FAF1: variants seen among roughly 807,000 people sequenced by gnomAD.
FAF1 encodes Fas associated factor 1, also known as FAS-associated factor 1.
A neutral mutation model predicts 92.5 loss-of-function variants in FAF1; 25 were observed. That is an observed-to-expected ratio of 0.27 (90% CI 0.20 to 0.38). The LOEUF is 0.38. FAF1 is among the 10% of genes least tolerant of loss of function. FAF1 has a pLI of 1.00. For missense variants in FAF1, 636 were observed against 793.3 expected (o/e 0.80, Z 2.38); for synonymous variants, 234 against 273.2 (o/e 0.86, Z 1.42).
chr1:50,763,964 T>G (rs1297757759), intron 4 of FAF1, among the ~76,000 whole-genome samples: 4 of 152,212 alleles, frequency 2.6e-5, no homozygotes, highest in Non-Finnish European at 5.9e-5. Context: ...TATAGCTGTT[T>G]GGTGGCATTT....
At chr1:50,875,870 T>C (rs1644567045) in intron 1 of FAF1, among the ~76,000 whole-genome samples, 1 of 152,214 alleles carries the variant, frequency 6.6e-6, no homozygotes, top group Non-Finnish European at 1.5e-5. Context: ...CCCCAGACTC[T>C]AGTTTTGATA....
chr1:50,770,352 A>G (rs1660736053), intron 4 of FAF1, among the ~76,000 whole-genome samples: 1 of 152,186 alleles, frequency 6.6e-6, no homozygotes, highest in Non-Finnish European at 1.5e-5. Flanking sequence ...TATACCTAGG[A>G]AACTCCACAA....
At chr1:50,839,099 T>A (rs527324936) in intron 2 of FAF1, among the ~76,000 whole-genome samples, 2 of 152,112 alleles carry the variant, frequency 1.3e-5, no homozygotes, top group African/African-American at 4.8e-5. Context: ...GTTTTCTTCA[T>A]AAAAATAAAT....
At chr1:50,680,486 C>G (rs1656372423) in intron 7 of FAF1, among the ~76,000 whole-genome samples, 1 of 152,000 alleles carries the variant, frequency 6.6e-6, no homozygotes, top group African/African-American at 2.4e-5. Flanking sequence ...AGTTTGAGAC[C>G]AGCCTGGCCA....
chr1:50,674,246 G>A (rs1048507387), intron 7 of FAF1, among the ~76,000 whole-genome samples: 7 of 151,510 alleles, frequency 4.6e-5, no homozygotes, highest in Admixed American at 1.3e-4. Context: ...CCATTGCTCC[G>A]GGCCCCAAGG....
intron 18 of FAF1, among the ~76,000 whole-genome samples, chr1:50,463,129 T>C (rs1572759155): frequency 6.6e-6 from 1 of 152,304 alleles, no homozygotes; most frequent in East Asian, 1.9e-4. Flanking sequence ...CATTTTGGTA[T>C]ATGTCTGGCA....
At chr1:50,485,909 AT>A (rs1287997299) in intron 17 of FAF1, among the ~76,000 whole-genome samples, 1 of 151,964 alleles carries the variant, frequency 6.6e-6, no homozygotes, top group Non-Finnish European at 1.5e-5. Flanking sequence ...AATCCATCAG[AT>A]CTTGTGAGAA....
intron 18 of FAF1, among the ~76,000 whole-genome samples, chr1:50,473,986 A>C (rs1311223786): frequency 6.6e-6 from 1 of 152,246 alleles, no homozygotes; most frequent in Non-Finnish European, 1.5e-5. Context: ...CATTCCATAT[A>C]AAGCAGGAAT....
At chr1:50,546,035 A>G (rs985249719) in intron 13 of FAF1, among the ~76,000 whole-genome samples, 2 of 152,194 alleles carry the variant, frequency 1.3e-5, no homozygotes, top group Non-Finnish European at 2.9e-5. Context: ...GCAAGGTGGC[A>G]TATGCCTATA....
chr1:50,888,541 A>G (rs923734163), intron 1 of FAF1, among the ~76,000 whole-genome samples: 1 of 152,208 alleles, frequency 6.6e-6, no homozygotes, highest in African/African-American at 2.4e-5. Flanking sequence ...TTATATTGAG[A>G]TACATCCCAT....
intron 7 of FAF1, among the ~76,000 whole-genome samples, chr1:50,664,030 G>A (rs1044488999): frequency 2.2e-5 from 3 of 134,782 alleles, no homozygotes; most frequent in South Asian, 2.3e-4. Flanking sequence ...ACAGAGTCTC[G>A]CTCTGTCACC....
chr1:50,519,133 C>G (rs1406019896), intron 15 of FAF1, among the ~76,000 whole-genome samples: 1 of 152,042 alleles, frequency 6.6e-6, no homozygotes, highest in South Asian at 2.1e-4. Flanking sequence ...TGTTTGAGAC[C>G]AGCCTGGCCA....
At chr1:50,860,993 A>G (rs1644427741) in intron 1 of FAF1, among the ~76,000 whole-genome samples, 1 of 151,942 alleles carries the variant, frequency 6.6e-6, no homozygotes, top group Non-Finnish European at 1.5e-5. Context: ...AAAAAACAAT[A>G]CACCACATTT....
chr1:50,894,557 G>A (rs992092265), intron 1 of FAF1, among the ~76,000 whole-genome samples: 1 of 151,760 alleles, frequency 6.6e-6, no homozygotes, highest in Non-Finnish European at 1.5e-5. Flanking sequence ...AACAGCTGCA[G>A]AGTACACATT....
intron 18 of FAF1, among the ~76,000 whole-genome samples, chr1:50,446,543 A>C (rs937469918): frequency 6.6e-6 from 1 of 152,208 alleles, no homozygotes; most frequent in Non-Finnish European, 1.5e-5. Flanking sequence ...GGGATACTCC[A>C]CCTGTACTAT....
chr1:50,621,955 C>T (rs539486581), intron 8 of FAF1, among the ~76,000 whole-genome samples: 20 of 152,086 alleles, frequency 1.3e-4, no homozygotes, highest in Middle Eastern at 6.8e-3. Context: ...GGCCTGAGGT[C>T]GGAAGTTCGA....
intron 2 of FAF1, among the ~76,000 whole-genome samples, chr1:50,823,943 A>G (rs909712568): frequency 2.0e-5 from 3 of 152,166 alleles, no homozygotes; most frequent in African/African-American, 7.2e-5. Flanking sequence ...TTCCCAGGGA[A>G]GGTATTATAC....
rs561061709 is a variant in FAF1 at position 50,862,924 on chromosome 1, T to C, written c.46-4927A>G. Among the ~76,000 whole-genome samples, 3 of 152,002 alleles carry C rather than the reference T, an allele frequency of 2.0e-5. No homozygotes were observed. In the South Asian group the frequency reaches 6.2e-4, roughly 32 times the overall value. On this transcript the variant is annotated intron_variant, in intron 1 of 18. Coordinates refer to ENST00000396153, the MANE Select transcript of FAF1 (RefSeq NM_007051.3). ...AAATGAGATGATGGCAACACAGTAA[T>C]AGCAGGAGACTTCAATATTCCACTG...
At chr1:50,643,566 T>C (rs1041545150) in intron 8 of FAF1, among the ~76,000 whole-genome samples, 11 of 152,296 alleles carry the variant, frequency 7.2e-5, no homozygotes, top group Non-Finnish European at 1.3e-4. Context: ...TATTTATCTC[T>C]AGAAGTGTTA....
Sources: allele counts gnomAD v4.1 joint callset (sites outside exome capture counted in the v4.1 genomes callset), GRCh38; gene constraint gnomAD v4.1.1; transcripts MANE v1.5; gene names NCBI Gene and HGNC (gene_info 2026-07-23, HGNC 2026-07-21).